PLPPR5: variants seen among roughly 807,000 people sequenced by gnomAD.
PLPPR5 encodes the protein phospholipid phosphatase-related protein type 5.
PLPPR5 carries 16 observed loss-of-function variants against 33.9 expected under a neutral mutation model. That is an observed-to-expected ratio of 0.47 (90% CI 0.32 to 0.72). The LOEUF (loss-of-function observed/expected upper bound fraction) is 0.72, where lower values mean the gene tolerates loss of function less well. Ranked by LOEUF, PLPPR5 falls within the 30% of genes least tolerant of loss-of-function variation. The pLI, the probability that PLPPR5 is intolerant of heterozygous loss-of-function variation, is 0.03. For missense variants in PLPPR5, 301 were observed against 406.7 expected (o/e 0.74, Z 2.23); for synonymous variants, 163 against 150.3 (o/e 1.08, Z -0.62).
At chr1:98,993,161 G>A (rs1242097044) in intron 1 of PLPPR5, among the ~76,000 whole-genome samples, 3 of 152,012 alleles carry the variant, frequency 2.0e-5, no homozygotes, top group Non-Finnish European at 2.9e-5. Context: ...GCATAACCTT[G>A]GCCAAGTCAT....
intron 1 of PLPPR5, among the ~76,000 whole-genome samples, chr1:98,985,566 T>A (rs4399180): frequency 0.11 from 17,109 of 152,072 alleles, 1,045 homozygotes; most frequent in African/African-American, 0.13. Flanking sequence ...TTCACTCGTC[T>A]CACTCTCTGA....
chr1:98,927,530 G>A (rs1179843056), intron 3 of PLPPR5, among the ~76,000 whole-genome samples: 2 of 152,184 alleles, frequency 1.3e-5, no homozygotes, highest in African/African-American at 4.8e-5. Flanking sequence ...CAGGTGGGCT[G>A]CCTGCCCTCC....
At chr1:98,985,233 C>T (rs1025320231) in intron 1 of PLPPR5, among the ~76,000 whole-genome samples, 22 of 151,986 alleles carry the variant, frequency 1.4e-4, no homozygotes, top group African/African-American at 5.1e-4. Flanking sequence ...TTGATAATAA[C>T]TGAGTTCCTC....
chr1:98,933,612 C>A (rs1212418121), intron 3 of PLPPR5, among the ~76,000 whole-genome samples: 3 of 151,958 alleles, frequency 2.0e-5, no homozygotes, highest in African/African-American at 7.3e-5. Context: ...CTTTGCATAA[C>A]CAAAGCTGGT....
In PLPPR5 at chr1:98,891,241, C is replaced by T. The variant is rs1168940582; in HGVS notation, c.*1831G>A. 2 of 151,806 alleles carry T rather than the reference C, an allele frequency of 1.3e-5. No homozygotes were observed. Among genetic ancestry groups the T allele is most frequent in the Middle Eastern group, 3.4e-3 (1 of 294 alleles). The allele number at this position is 151,806 out of a possible 1,614,324, so 9.4% of individuals were successfully genotyped here. On this transcript the variant is annotated 3_prime_UTR_variant, in exon 6 of 6. Coordinates refer to ENST00000263177, the MANE Select transcript of PLPPR5 (RefSeq NM_001037317.2). Reference sequence around the variant, plus strand: ...TTTTCTTTTCTTTTCTCTTTTTGGCCCTAGTAGAAGTGTTTTAGCTTCCAC... The same window carrying T: ...TTTTCTTTTCTTTTCTCTTTTTGGCTCTAGTAGAAGTGTTTTAGCTTCCAC...
At chr1:98,941,654 G>A (rs970803913) in intron 3 of PLPPR5, among the ~76,000 whole-genome samples, 13 of 151,436 alleles carry the variant, frequency 8.6e-5, no homozygotes, top group Non-Finnish European at 1.8e-4. Context: ...ATAATAGAAA[G>A]ATGCCTGATT....
rs1171376188 is a variant in PLPPR5 at position 98,890,465 on chromosome 1, TTTAAG to T, written c.*2602_*2606del. On this transcript the variant is annotated 3_prime_UTR_variant, in exon 6 of 6. Coordinates refer to ENST00000263177, the MANE Select transcript of PLPPR5 (RefSeq NM_001037317.2). ...CCTCTCTTTTAACATAAAAGAGCCT[TTTAAG>T]TTATCACAGGAATCAGATAAAACAT... 1.3e-5 allele frequency: 2 copies of T among 152,436 alleles called. No homozygotes were observed. Among genetic ancestry groups the T allele is most frequent in the Non-Finnish European group, 2.9e-5 (2 of 67,982 alleles). The allele number at this position is 152,436 out of a possible 1,614,324, so 9.4% of individuals were successfully genotyped here. A position where few individuals can be genotyped will look rare whatever the true frequency, so the allele number is the denominator to read the frequency against.
chr1:98,911,915 G>A (rs981830390), intron 5 of PLPPR5, among the ~76,000 whole-genome samples: 2 of 151,848 alleles, frequency 1.3e-5, no homozygotes, highest in Admixed American at 6.6e-5. Context: ...ACATGCCACC[G>A]CACCTGGCTA....
intron 5 of PLPPR5, among the ~76,000 whole-genome samples, chr1:98,913,591 C>T (rs1388732976): frequency 1.3e-5 from 2 of 152,154 alleles, no homozygotes; most frequent in Admixed American, 6.5e-5. Context: ...AAAATGTTTC[C>T]TTTATTTCTA....
chr1:98,933,419 C>T (rs2101180054), intron 3 of PLPPR5, among the ~76,000 whole-genome samples: 1 of 143,644 alleles, frequency 7.0e-6, no homozygotes, highest in East Asian at 2.1e-4. Flanking sequence ...GGAGGCGGAG[C>T]TTGCAGTGAG....
rs1653018126 is a variant in PLPPR5 at position 99,004,848 on chromosome 1, G to C, written c.-177C>G. On this transcript the variant is annotated 5_prime_UTR_variant, in exon 1 of 6. Coordinates refer to ENST00000263177, the MANE Select transcript of PLPPR5 (RefSeq NM_001037317.2). The stretch of plus-strand genomic sequence containing the variant: ...AGGCGGAGGCAGGTCCGGGCTTCGA[G>C]GCGCCGGCAGGCTGCAGAGGAGGCG... 3.7e-6 allele frequency: 1 copy of C among 267,960 alleles called. No individual in the cohort carries two copies. The highest frequency in any genetic ancestry group is 2.3e-5 in the African/African-American group (1 of 44,300). The allele number at this position is 267,960 out of a possible 1,614,324, so 16.6% of individuals were successfully genotyped here.
At chr1:98,957,225 T>C (rs1229890500) in intron 1 of PLPPR5, among the ~76,000 whole-genome samples, 1 of 150,858 alleles carries the variant, frequency 6.6e-6, no homozygotes, top group Non-Finnish European at 1.5e-5. Flanking sequence ...TTGGGAGATA[T>C]ACCTAATGCT....
intron 3 of PLPPR5, among the ~76,000 whole-genome samples, chr1:98,942,289 C>T (rs527840233): frequency 7.5e-4 from 114 of 152,202 alleles, no homozygotes; most frequent in African/African-American, 2.6e-3. Flanking sequence ...GTGATCTGCC[C>T]GCCTTGGCCT....
At chr1:98,958,578 C>T (rs762006718) in intron 1 of PLPPR5, among the ~76,000 whole-genome samples, 1 of 152,058 alleles carries the variant, frequency 6.6e-6, no homozygotes, top group Non-Finnish European at 1.5e-5. Flanking sequence ...TGAAGTAGAG[C>T]GGATGTGTGA....
intron 1 of PLPPR5, among the ~76,000 whole-genome samples, chr1:98,959,874 G>A (rs913079008): frequency 4.6e-5 from 7 of 152,150 alleles, no homozygotes; most frequent in Non-Finnish European, 1.0e-4. Context: ...ACAGAGAGTT[G>A]CTGTCATTAG....
chr1:98,971,812 T>C (rs546313961), intron 1 of PLPPR5, among the ~76,000 whole-genome samples: 7 of 152,090 alleles, frequency 4.6e-5, no homozygotes, highest in Non-Finnish European at 5.9e-5. Flanking sequence ...GTTCTTTCCA[T>C]TTCATTCAAA....
At chr1:98,953,735 A>G (rs1267327822) in intron 2 of PLPPR5, among the ~76,000 whole-genome samples, 1 of 152,150 alleles carries the variant, frequency 6.6e-6, no homozygotes, top group Non-Finnish European at 1.5e-5. Context: ...TCACTAACGA[A>G]GCAAAGCAGT....
intron 3 of PLPPR5, among the ~76,000 whole-genome samples, chr1:98,938,956 C>T (rs964121389): frequency 1.3e-5 from 2 of 151,996 alleles, no homozygotes; most frequent in African/African-American, 2.4e-5. Context: ...AGGAACAACA[C>T]ACACTGGGGC....
chr1:98,979,499 T>C (rs1399533187), intron 1 of PLPPR5, among the ~76,000 whole-genome samples: 1 of 152,128 alleles, frequency 6.6e-6, no homozygotes, highest in Non-Finnish European at 1.5e-5. Flanking sequence ...ATTTAATATA[T>C]GAATGCTAGG....
Sources: gnomAD v4.1 joint callset for allele counts (sites outside exome capture counted in the v4.1 genomes callset) on GRCh38, gnomAD v4.1.1 for gene constraint, MANE v1.5 for transcripts, NCBI Gene and HGNC (gene_info 2026-07-23, HGNC 2026-07-21) for gene names.